PURG: variants seen among roughly 807,000 people sequenced by gnomAD.
The protein encoded by PURG is purine rich element binding protein G.
A neutral mutation model predicts 24.3 loss-of-function variants in PURG; 3 were observed. The ratio of observed to expected loss-of-function variants is 0.12; its 90% CI spans 0.06 to 0.32. The LOEUF (loss-of-function observed/expected upper bound fraction) is 0.32. Ranked by LOEUF, PURG falls within the 10% of genes least tolerant of loss-of-function variation. The pLI, the probability that PURG is intolerant of heterozygous loss-of-function variation, is 1.00. For synonymous variants in PURG, 180 were observed against 173.1 expected (o/e 1.04, Z -0.31); for missense variants, 371 against 439.1 (o/e 0.84, Z 1.39).
chr8:31,032,669 G>A lies in PURG; in HGVS notation c.114C>T (p.His38=). 2 of 1,559,998 alleles carry A rather than the reference G, an allele frequency of 1.3e-6. No homozygotes were observed. Among genetic ancestry groups the A allele is most frequent in the South Asian group, 1.2e-5 (1 of 82,472 alleles). The part of the protein sequence containing the change: ...SRLYPQAQHS[H]YPHYAASATP... ...TGGCTGAGGCCGCGTAGTGGGGGTA[G>A]TGGGAGTGCTGGGCCTGGGGATAGA... is the stretch of plus-strand genomic sequence containing the variant. Residue 38 remains histidine (H), a synonymous_variant, in exon 2 of 2, where the codon CAC becomes CAT. Transcript: ENST00000523392. This position sits in a 1 kb window ranked among gnomAD's most constrained non-coding sequence, Gnocchi z 5.9.
At chr8:31,015,775 GTGCAGTGCCTCA>G (rs1165997780) in intron 1 of PURG, among the ~76,000 whole-genome samples, 4 of 152,072 alleles carry the variant, frequency 2.6e-5, no homozygotes, top group Admixed American at 2.0e-4. Context: ...CCCTGGCCGG[GTGCAGTGCCTCA>G]TGCCTGTAAT....
chr8:31,016,657 C>T (rs1810878064), intron 1 of PURG, among the ~76,000 whole-genome samples: 1 of 149,388 alleles, frequency 6.7e-6, no homozygotes, highest in Non-Finnish European at 1.5e-5. Context: ...GAGTGGCTTC[C>T]AGACCACTTG....
intron 1 of PURG, among the ~76,000 whole-genome samples, chr8:31,000,865 A>C (rs1369090087): frequency 6.6e-6 from 1 of 152,216 alleles, no homozygotes; most frequent in African/African-American, 2.4e-5. Flanking sequence ...AACATTAACT[A>C]AAATCAGAAA....
intron 1 of PURG, among the ~76,000 whole-genome samples, chr8:31,009,416 A>G (rs1810722998): frequency 6.6e-6 from 1 of 152,094 alleles, no homozygotes; most frequent in Non-Finnish European, 1.5e-5. Context: ...ACAGAGTAAG[A>G]CTCTGTCTCA....
chr8:31,032,177 C>T lies in PURG; in HGVS notation c.606G>A (p.Met202Ile). The T allele has an allele frequency of 3.1e-6, 5 of 1,614,244 alleles. No individual in the cohort carries two copies. The highest frequency in any genetic ancestry group is 4.2e-6 in the Non-Finnish European group (5 of 1,180,034). ...AACCTATCATGCCAGTCCCCCGCAT[C>T]ATGGTTTGTCTAATCCGTAGGAAGC... is the stretch of plus-strand genomic sequence containing the variant. ...RGRFLRIRQT[M>I]MRGTGMIGYF... is the part of the protein sequence containing the mutation. Residue 202 changes from methionine to isoleucine, a missense_variant, in exon 2 of 2, where the codon ATG becomes ATA. By Grantham distance (10) the Met-to-Ile change is conservative. Coordinates refer to ENST00000523392, the MANE Select transcript of PURG (RefSeq NM_001323311.2). The surrounding 1 kb of genome is among the most constrained non-coding windows in gnomAD (Gnocchi z 5.9).
At chr8:31,019,042 TGAA>T (rs1810927500) in intron 1 of PURG, among the ~76,000 whole-genome samples, 3 of 134,148 alleles carry the variant, frequency 2.2e-5, no homozygotes, top group Admixed American at 1.6e-4. Context: ...GAGAATGGCA[TGAA>T]CCCGGGAGGC....
Position 31,032,014 on chromosome 8 carries a change from C to G in PURG, c.769G>C (p.Asp257His), listed in dbSNP as rs770025349. The G allele has an allele frequency of 6.2e-7, 1 of 1,614,164 alleles. No individual in the cohort carries two copies. The highest frequency in any genetic ancestry group is 1.7e-5 in the Admixed American group (1 of 60,022). ...GTCCCCTCTGGGAGTTCAAGCGGGT[C>G]ATCGTCTCCACCTCTTCGTTCTTCT... is the stretch of plus-strand genomic sequence containing the variant. ...DIEERRGGDDDPLELPEGTSF... is the reference protein window; with the variant it reads ...DIEERRGGDDHPLELPEGTSF... The change falls in exon 2 of 2, where the codon GAC becomes CAC. Residue 257 changes from aspartate to histidine, a missense_variant. Coordinates refer to ENST00000523392, the MANE Select transcript of PURG (RefSeq NM_001323311.2). The surrounding 1 kb of genome is among the most constrained non-coding windows in gnomAD (Gnocchi z 5.9).
rs143689731 is a variant in PURG at position 31,003,892 on chromosome 8, T to C, written c.865-7195A>G. On this transcript the variant is annotated intron_variant, in intron 1 of 1. Transcript: ENST00000339382. ...GCTCCTGCAGCTCCTTATTTCAGTC[T>C]TGAAGGTGGAGATGGTAAGAATAGG... 4.7e-3 allele frequency among the ~76,000 whole-genome samples: 720 copies of C among 152,328 alleles called. 13 individuals are homozygous for C. The highest frequency in any genetic ancestry group is 0.017 in the African/African-American group (700 of 41,572).
intron 1 of PURG, among the ~76,000 whole-genome samples, chr8:31,017,310 T>G (rs1810892756): frequency 6.6e-6 from 1 of 152,046 alleles, no homozygotes; most frequent in African/African-American, 2.4e-5. Flanking sequence ...GATTGGGATC[T>G]CTTTTAAAAA....
intron 1 of PURG, among the ~76,000 whole-genome samples, chr8:30,999,875 G>A (rs1238074501): frequency 6.6e-6 from 1 of 151,868 alleles, no homozygotes; most frequent in East Asian, 1.9e-4. Flanking sequence ...TATAGTCAAA[G>A]CATTACCATA....
intron 1 of PURG, among the ~76,000 whole-genome samples, chr8:31,024,025 TAAG>T (rs1206336971): frequency 6.6e-6 from 1 of 152,104 alleles, no homozygotes; most frequent in Non-Finnish European, 1.5e-5. Context: ...TTTGATATAA[TAAG>T]GAGATGGGAA....
chr8:31,029,814 A>G (rs896543781), downstream of PURG, among the ~76,000 whole-genome samples: 9 of 151,872 alleles, frequency 5.9e-5, no homozygotes, highest in African/African-American at 2.2e-4. Context: ...CTTTTTTAGC[A>G]AGCCTACATA....
At chr8:31,019,204 T>G (rs1810941189) in intron 1 of PURG, among the ~76,000 whole-genome samples, 1 of 127,428 alleles carries the variant, frequency 7.8e-6, no homozygotes, top group Non-Finnish European at 1.6e-5. Flanking sequence ...TGGCTTTAAT[T>G]TTGATCAACA....
chr8:31,023,536 C>T (rs1299370120), intron 1 of PURG, among the ~76,000 whole-genome samples: 1 of 147,474 alleles, frequency 6.8e-6, no homozygotes, highest in Non-Finnish European at 1.5e-5. Flanking sequence ...TAGAGTGAGA[C>T]TGCATCTCAA....
At chr8:31,013,678 A>G (rs564630837) in intron 1 of PURG, among the ~76,000 whole-genome samples, 3 of 152,246 alleles carry the variant, frequency 2.0e-5, no homozygotes, top group Non-Finnish European at 4.4e-5. Flanking sequence ...CGGAGGTTGC[A>G]GTGAGCCGAG....
chr8:31,005,249 AT>A (rs1810618386), intron 1 of PURG, among the ~76,000 whole-genome samples: 1 of 152,126 alleles, frequency 6.6e-6, no homozygotes, highest in African/African-American at 2.4e-5. Context: ...CCTGGGCAAC[AT>A]GGTGAAACCC....
downstream of PURG, among the ~76,000 whole-genome samples, chr8:31,029,009 C>T (rs774894017): frequency 6.6e-5 from 10 of 151,792 alleles, no homozygotes; most frequent in Non-Finnish European, 1.2e-4. Context: ...ATACCATGAA[C>T]ACTTGCAGCT....
chr8:31,022,387 A>T (rs552511437), intron 1 of PURG, among the ~76,000 whole-genome samples: 1 of 152,356 alleles, frequency 6.6e-6, no homozygotes, highest in Admixed American at 6.5e-5. Context: ...TCCCAAGTCA[A>T]ATCTGTTTTC....
downstream of PURG, among the ~76,000 whole-genome samples, chr8:31,026,947 T>C (rs1348365769): frequency 6.6e-6 from 1 of 151,740 alleles, no homozygotes; most frequent in Non-Finnish European, 1.5e-5. Flanking sequence ...AATTTGGGTA[T>C]ATTTTCTTTA....
Sources: gnomAD v4.1 joint callset for allele counts (sites outside exome capture counted in the v4.1 genomes callset) on GRCh38, gnomAD v4.1.1 for gene constraint, Gnocchi (gnomAD v3.1) non-coding constraint, MANE v1.5 for transcripts, NCBI Gene and HGNC (gene_info 2026-07-23, HGNC 2026-07-21) for gene names.